CA5A: variants seen among roughly 807,000 people sequenced by gnomAD.
CA5A encodes carbonic anhydrase 5A, mitochondrial.
Under a neutral mutation model 37.1 loss-of-function variants are expected in CA5A, and 28 were observed. That is an observed-to-expected ratio of 0.75 (90% CI 0.56 to 1.03). CA5A has a LOEUF of 1.03. CA5A is among the 50% of genes least tolerant of loss of function. CA5A has a pLI of 0.00. For synonymous variants in CA5A, 171 were observed against 158.4 expected (o/e 1.08, Z -0.60); for missense variants, 444 against 399.9 (o/e 1.11, Z -0.94).
At chr16:87,929,536 G>A (rs182817639) in intron 1 of CA5A, among the ~76,000 whole-genome samples, 9 of 150,728 alleles carry the variant, frequency 6.0e-5, no homozygotes, top group African/African-American at 2.2e-4. Flanking sequence ...GCTGTGTTTT[G>A]TTCTTTAATC....
intron 6 of CA5A, among the ~76,000 whole-genome samples, chr16:87,890,676 T>C (rs142201486): frequency 0.024 from 3,649 of 152,246 alleles, 41 homozygotes; most frequent in African/African-American, 0.037. Flanking sequence ...AGTGCAGTGG[T>C]GCCATCTCAG....
In CA5A at chr16:87,888,201, G is replaced by C; in HGVS notation, c.846C>G (p.Arg282=). 1 of 1,613,942 alleles carries C rather than the reference G, an allele frequency of 6.2e-7. No homozygotes were observed. The highest frequency in any genetic ancestry group is 2.2e-5 in the East Asian group (1 of 44,890). ...EEEKMMVNNY[R]PLQPLMNRKV... ...TCCGGTTCATCAAGGGTTGAAGTGG[G>C]CGATAGTTGTTCACCATCATCTTCT... is the stretch of plus-strand genomic sequence containing the variant. The change falls in exon 7 of 7, where the codon CGC becomes CGG. Residue 282 remains arginine, a synonymous_variant. Coordinates refer to ENST00000649794, the MANE Select transcript of CA5A (RefSeq NM_001739.2).
At position 87,911,143 on chromosome 16, in the gene CA5A, GGGTC is replaced by G. The variant is rs1026094360; in HGVS notation, c.341-6243_341-6240del. Among the ~76,000 whole-genome samples the G allele has an allele frequency of 1.3e-5, 2 of 150,680 alleles. No individual in the cohort carries two copies. Among genetic ancestry groups the G allele is most frequent in the Non-Finnish European group, 2.9e-5 (2 of 67,914 alleles). On this transcript the variant is annotated intron_variant, in intron 2 of 6. Transcript: ENST00000649794. This position sits in a 1 kb window ranked among gnomAD's most constrained non-coding sequence, Gnocchi z 4.6. Reference sequence around the variant, plus strand: ...AAAGGCAAGCCCAATTCACGAAAAGGGGTCTTTAAGCTGCCAGCCCCCATCCCCC... The same window carrying G: ...AAAGGCAAGCCCAATTCACGAAAAGGTTTAAGCTGCCAGCCCCCATCCCCC...
intron 6 of CA5A, among the ~76,000 whole-genome samples, chr16:87,891,231 G>A (rs1394788800): frequency 2.0e-5 from 3 of 151,764 alleles, no homozygotes; most frequent in African/African-American, 7.3e-5. Context: ...GCTTTGGGAG[G>A]CCAAGGTGGG....
At chr16:87,914,104 G>C (rs892068283) in intron 2 of CA5A, among the ~76,000 whole-genome samples, 2 of 152,268 alleles carry the variant, frequency 1.3e-5, no homozygotes, top group African/African-American at 4.8e-5. Context: ...ACCTGGCACA[G>C]TCAGTGTTTG....
intron 1 of CA5A, among the ~76,000 whole-genome samples, chr16:87,934,604 A>G (rs2056446941): frequency 6.6e-6 from 1 of 152,086 alleles, no homozygotes; most frequent in South Asian, 2.1e-4. Context: ...GGCAACAGCC[A>G]TAGAGCAGTG....
At chr16:87,900,897 G>A (rs1055155525) in intron 5 of CA5A, among the ~76,000 whole-genome samples, 2 of 152,194 alleles carry the variant, frequency 1.3e-5, no homozygotes, top group Non-Finnish European at 2.9e-5. Context: ...CCCAGGACAA[G>A]GCTAAAAATT....
At chr16:87,929,173 T>C (rs1455588419) in intron 1 of CA5A, among the ~76,000 whole-genome samples, 1 of 146,964 alleles carries the variant, frequency 6.8e-6, no homozygotes, top group Non-Finnish European at 1.5e-5. Flanking sequence ...TAGCCCTGGC[T>C]GGGCGCGGTG....
At chr16:87,924,314 C>A in intron 2 of CA5A, 1 of 985,366 alleles carries the variant, frequency 1.0e-6, no homozygotes, top group Non-Finnish European at 1.2e-6. Context: ...ACTGAGCATA[C>A]AGGCAGCGTG....
intron 2 of CA5A, among the ~76,000 whole-genome samples, chr16:87,926,418 G>A (rs973985283): frequency 1.3e-5 from 2 of 152,164 alleles, no homozygotes; most frequent in Non-Finnish European, 2.9e-5. Context: ...GACGCGCAAA[G>A]TGTTCGCATT....
chr16:87,918,668 C>T (rs2056189166), intron 2 of CA5A, among the ~76,000 whole-genome samples: 2 of 152,222 alleles, frequency 1.3e-5, no homozygotes, highest in African/African-American at 4.8e-5. Flanking sequence ...TTGTCCGCTC[C>T]CTTCCCTTTC....
At chr16:87,902,751 A>C (rs1447599448) in intron 3 of CA5A, among the ~76,000 whole-genome samples, 2 of 64,916 alleles carry the variant, frequency 3.1e-5, no homozygotes, top group African/African-American at 1.1e-4. Context: ...CTAAAAATAC[A>C]AAAAAAAAAA....
intron 2 of CA5A, among the ~76,000 whole-genome samples, chr16:87,917,590 G>A (rs1216682556): frequency 2.6e-5 from 4 of 152,172 alleles, no homozygotes; most frequent in Admixed American, 6.5e-5. Flanking sequence ...ACACACGTGT[G>A]CACACATGCA....
chr16:87,919,940 C>T (rs1381351463), intron 2 of CA5A, among the ~76,000 whole-genome samples: 1 of 152,302 alleles, frequency 6.6e-6, no homozygotes, highest in South Asian at 2.1e-4. Context: ...AAGTGGCGAA[C>T]ACCACACATC....
intron 6 of CA5A, among the ~76,000 whole-genome samples, chr16:87,889,361 T>C (rs147011931): frequency 0.023 from 3,452 of 152,156 alleles, 131 homozygotes; most frequent in African/African-American, 0.079. Context: ...GCTCAAATGA[T>C]TGTTTTCTAA....
chr16:87,914,579 T>C (rs1267461081), intron 2 of CA5A, among the ~76,000 whole-genome samples: 2 of 151,934 alleles, frequency 1.3e-5, no homozygotes, highest in African/African-American at 2.4e-5. Context: ...CACTGGCCCC[T>C]GCAGGGGAGC....
intron 2 of CA5A, 134 bp from the exon 3 acceptor site, chr16:87,905,038 C>A (rs1314923457): frequency 8.6e-6 from 6 of 698,222 alleles, no homozygotes; most frequent in Non-Finnish European, 1.6e-5. Flanking sequence ...AAGTGACAAG[C>A]CAAAGGTGGG....
intron 2 of CA5A, among the ~76,000 whole-genome samples, chr16:87,912,935 C>T (rs978171830): frequency 1.3e-5 from 2 of 151,612 alleles, no homozygotes; most frequent in African/African-American, 2.4e-5. Flanking sequence ...GCAACAGGGT[C>T]GGCGCCGGTG....
intron 2 of CA5A, among the ~76,000 whole-genome samples, chr16:87,916,092 C>G (rs1000043888): frequency 6.8e-6 from 1 of 147,322 alleles, no homozygotes; most frequent in Non-Finnish European, 1.5e-5. Flanking sequence ...GGCGTGAACC[C>G]GGGAGGTGGA....
Sources: allele counts gnomAD v4.1 joint callset (sites outside exome capture counted in the v4.1 genomes callset), GRCh38; gene constraint gnomAD v4.1.1; non-coding constraint Gnocchi (gnomAD v3.1); transcripts MANE v1.5; gene names NCBI Gene and HGNC (gene_info 2026-07-23, HGNC 2026-07-21).